Variants in CELF4 observed in about 807,000 individuals in gnomAD.
CELF4 encodes the protein CUGBP Elav-like family member 4.
Under a neutral mutation model 59.9 loss-of-function variants are expected in CELF4, and 18 were observed. That is an observed-to-expected ratio of 0.30 (90% CI 0.21 to 0.45). The LOEUF (loss-of-function observed/expected upper bound fraction) is 0.45. CELF4 is among the 20% of genes least tolerant of loss of function. CELF4 has a pLI of 1.00. For synonymous variants in CELF4, 261 were observed against 267.1 expected (o/e 0.98, Z 0.22); for missense variants, 456 against 689.0 (o/e 0.66, Z 3.79).
intron 2 of CELF4, among the ~76,000 whole-genome samples, chr18:37,326,885 C>T (rs1332571081): frequency 1.3e-5 from 2 of 152,236 alleles, no homozygotes; most frequent in African/African-American, 2.4e-5. Context: ...TTAAACAAGA[C>T]ATTCCATTAA....
chr18:37,538,033 G>A (rs548298518), intron 1 of CELF4, among the ~76,000 whole-genome samples: 1 of 152,222 alleles, frequency 6.6e-6, no homozygotes. Context: ...TCCTTGGTCC[G>A]GGTTGTGCAG....
chr18:37,295,996 T>C (rs771991927), intron 3 of CELF4, among the ~76,000 whole-genome samples: 1 of 152,180 alleles, frequency 6.6e-6, no homozygotes, highest in Non-Finnish European at 1.5e-5. Flanking sequence ...AGCTCTGAAG[T>C]CCTCGGCATG....
intron 2 of CELF4, among the ~76,000 whole-genome samples, chr18:37,477,303 G>A (rs2099852779): frequency 6.6e-6 from 1 of 152,252 alleles, no homozygotes; most frequent in Non-Finnish European, 1.5e-5. Flanking sequence ...GCGGGGCAGA[G>A]AATTTGTTCA....
At chr18:37,410,641 C>T (rs549323790) in intron 2 of CELF4, among the ~76,000 whole-genome samples, 5 of 152,304 alleles carry the variant, frequency 3.3e-5, no homozygotes, top group Admixed American at 1.3e-4. Flanking sequence ...TTGGGGTAGA[C>T]GGATGTGGCA....
chr18:37,262,519 T>C (rs780739262), intron 10 of CELF4, among the ~76,000 whole-genome samples: 5 of 151,828 alleles, frequency 3.3e-5, no homozygotes, highest in African/African-American at 4.8e-5. Flanking sequence ...GGAGGGCCCA[T>C]GGGGGCCTCA....
intron 11 of CELF4, 192 bp downstream of exon 11, chr18:37,258,989 T>C: frequency 2.7e-6 from 2 of 732,680 alleles, no homozygotes; most frequent in South Asian, 3.6e-5. Flanking sequence ...GAGATGAGGC[T>C]GGTGAGGGCC....
chr18:37,294,133 G>T (rs1421095504), intron 3 of CELF4, among the ~76,000 whole-genome samples: 2 of 152,212 alleles, frequency 1.3e-5, no homozygotes, highest in African/African-American at 4.8e-5. Context: ...GGGTGAGGGT[G>T]GGGGCAGGCT....
intron 1 of CELF4, among the ~76,000 whole-genome samples, chr18:37,506,163 C>T (rs950355720): frequency 8.6e-5 from 13 of 151,418 alleles, no homozygotes; most frequent in Non-Finnish European, 1.9e-4. Flanking sequence ...AAGTTGCCTT[C>T]GTGTCTTGAA....
chr18:37,459,410 T>C (rs947839882), intron 2 of CELF4, among the ~76,000 whole-genome samples: 3 of 152,226 alleles, frequency 2.0e-5, no homozygotes, highest in African/African-American at 7.2e-5. Context: ...TTCCAGTCAG[T>C]TACCTGAATT....
intron 1 of CELF4, among the ~76,000 whole-genome samples, chr18:37,515,247 A>G (rs926640918): frequency 6.6e-6 from 1 of 152,184 alleles, no homozygotes; most frequent in African/African-American, 2.4e-5. Flanking sequence ...ATTACACTGC[A>G]TCTTGCCTCC....
At position 37,443,066 on chromosome 18, in the gene CELF4, G is replaced by C. The variant is rs558366047; in HGVS notation, c.369+42459C>G. 5.3e-5 allele frequency among the ~76,000 whole-genome samples: 8 copies of C among 152,296 alleles called. No homozygotes were observed. The South Asian group carries it at 1.4e-3, about 28-fold the overall frequency. On this transcript the variant is annotated intron_variant, in intron 2 of 12. Coordinates refer to ENST00000420428, the MANE Select transcript of CELF4 (RefSeq NM_020180.4). The stretch of plus-strand genomic sequence containing the variant: ...AGGGGCAACTTGTTTCCAGTGCGTA[G>C]CTTTTGTCTTCCCAAATGGGAGCTC...
intron 2 of CELF4, among the ~76,000 whole-genome samples, chr18:37,426,767 T>G (rs2099615666): frequency 6.6e-6 from 1 of 152,136 alleles, no homozygotes; most frequent in African/African-American, 2.4e-5. Context: ...CCATGTTGCG[T>G]CGCCGCTGCC....
intron 3 of CELF4, among the ~76,000 whole-genome samples, chr18:37,308,451 G>A (rs982129023): frequency 6.6e-6 from 1 of 152,158 alleles, no homozygotes; most frequent in Non-Finnish European, 1.5e-5. Context: ...GCTCCAGCGG[G>A]CACAGGCCAC....
intron 3 of CELF4, among the ~76,000 whole-genome samples, chr18:37,309,712 G>A (rs751404470): frequency 2.0e-5 from 3 of 152,000 alleles, no homozygotes; most frequent in Middle Eastern, 6.8e-3. Context: ...TGCGCGCCCT[G>A]GGATGTCAGC....
At chr18:37,552,086 T>C (rs1365227525) in intron 1 of CELF4, among the ~76,000 whole-genome samples, 1 of 152,238 alleles carries the variant, frequency 6.6e-6, no homozygotes, top group Non-Finnish European at 1.5e-5. Flanking sequence ...GGAATCTGGC[T>C]TAGAGCCAGT....
chr18:37,250,602 C>G (rs1202481452), intron 12 of CELF4, among the ~76,000 whole-genome samples: 4 of 152,168 alleles, frequency 2.6e-5, no homozygotes, highest in Non-Finnish European at 1.5e-5. Flanking sequence ...GCAGCTCAGG[C>G]CTCAGCACAA....
At chr18:37,515,276 T>A (rs777970703) in intron 1 of CELF4, among the ~76,000 whole-genome samples, 4 of 152,272 alleles carry the variant, frequency 2.6e-5, no homozygotes, top group Non-Finnish European at 5.9e-5. Context: ...CTTTCCTTAT[T>A]CCCTTTTCTG....
intron 1 of CELF4, among the ~76,000 whole-genome samples, chr18:37,519,877 G>T (rs1177407959): frequency 6.6e-6 from 1 of 152,214 alleles, no homozygotes; most frequent in Non-Finnish European, 1.5e-5. Context: ...GAGGCAGGGG[G>T]CCTGAGCCAG....
At chr18:37,518,044 C>G (rs2099952852) in intron 1 of CELF4, among the ~76,000 whole-genome samples, 1 of 152,132 alleles carries the variant, frequency 6.6e-6, no homozygotes, top group Admixed American at 6.5e-5. Flanking sequence ...ACCACCAGAG[C>G]TGGTGGGTGG....
Sources: gnomAD v4.1 joint callset for allele counts (sites outside exome capture counted in the v4.1 genomes callset) on GRCh38, gnomAD v4.1.1 for gene constraint, MANE v1.5 for transcripts, NCBI Gene and HGNC (gene_info 2026-07-23, HGNC 2026-07-21) for gene names.